Variants in METTL15 observed in about 807,000 individuals in gnomAD.
The protein encoded by METTL15 is 12S rRNA N(4)-cytidine methyltransferase METTL15.
Under a neutral mutation model 38.3 loss-of-function variants are expected in METTL15, and 34 were observed. The observed-to-expected ratio is 0.89, with a 90% CI of 0.68 to 1.18. The LOEUF (loss-of-function observed/expected upper bound fraction) is 1.18. METTL15 is among the 50% of genes most tolerant of loss of function. The probability of loss-of-function intolerance (pLI) is 0.00; values close to 1 mark genes in which losing one functional copy is unlikely to be tolerated. For missense variants in METTL15, 438 were observed against 498.4 expected, an observed-to-expected ratio of 0.88 and a Z score of 1.15; for synonymous variants, 162 against 170.9, an observed-to-expected ratio of 0.95 and a Z score of 0.41.
intron 5 of METTL15, among the ~76,000 whole-genome samples, chr11:28,411,102 C>T (rs1467608709): frequency 6.6e-6 from 1 of 151,736 alleles, no homozygotes; most frequent in East Asian, 1.9e-4. Flanking sequence ...AAATTGAACA[C>T]AAATAAATGG....
At chr11:28,111,845 G>A (rs1280017884) in intron 2 of METTL15, among the ~76,000 whole-genome samples, 5 of 152,192 alleles carry the variant, frequency 3.3e-5, no homozygotes, top group Non-Finnish European at 7.3e-5. Flanking sequence ...GAAACACTAA[G>A]TCAGAGGGTA....
chr11:28,190,392 T>G (rs543002040), intron 3 of METTL15, among the ~76,000 whole-genome samples: 15 of 151,392 alleles, frequency 9.9e-5, no homozygotes, highest in African/African-American at 3.6e-4. Context: ...TAAATTCCAA[T>G]TTACTTGTCA....
chr11:28,244,797 T>C (rs1182324406), intron 4 of METTL15, among the ~76,000 whole-genome samples: 1 of 152,194 alleles, frequency 6.6e-6, no homozygotes, highest in Non-Finnish European at 1.5e-5. Context: ...ATTTCTGGGC[T>C]GGGGGTACTA....
chr11:28,113,041 A>G lies in METTL15; in HGVS notation c.-17-277A>G, dbSNP rs537313592. 2.2e-4 allele frequency among the ~76,000 whole-genome samples: 33 copies of G among 152,306 alleles called. No individual in the cohort carries two copies. The South Asian group carries it at 6.8e-3, about 32-fold the overall frequency. The stretch of plus-strand genomic sequence containing the variant: ...TGTTGACCTAATAATCAATTTTCAT[A>G]TCCCTAATGGTTAAAATGTTAATGA... On this transcript the variant is annotated intron_variant, in intron 2 of 6. Transcript: ENST00000407364.
In METTL15 at chr11:28,331,006, A is replaced by G. The variant is rs1056469225; in HGVS notation, c.*165A>G. On this transcript the variant is annotated 3_prime_UTR_variant, in exon 7 of 7. Transcript: ENST00000407364. ...AAAAAGAAACTGTAGGAAATACATG[A>G]CAGAGAAAGTTACACTCAGGGAGCA... The G allele has an allele frequency of 7.5e-6, 4 of 532,236 alleles. No individual in the cohort carries two copies. Among genetic ancestry groups the G allele is most frequent in the Non-Finnish European group, 1.3e-5 (4 of 304,128 alleles). 33.0% of individuals were successfully genotyped at this position (532,236 alleles called of 1,614,324 possible). A position where few individuals can be genotyped will look rare whatever the true frequency, so the allele number is the denominator to read the frequency against.
intron 4 of METTL15, among the ~76,000 whole-genome samples, chr11:28,214,144 G>A (rs1455236363): frequency 6.6e-6 from 1 of 151,796 alleles, no homozygotes; most frequent in Non-Finnish European, 1.5e-5. Context: ...CTGGGCTCAA[G>A]TGACCCTTCT....
intron 5 of METTL15, among the ~76,000 whole-genome samples, chr11:28,402,741 AT>A (rs1850640933): frequency 6.6e-6 from 1 of 151,906 alleles, no homozygotes; most frequent in East Asian, 1.9e-4. Context: ...ACGTGAATAT[AT>A]TGCTTAGTGA....
At chr11:28,424,297 A>C (rs996540734) in intron 5 of METTL15, 4 of 152,126 alleles carry the variant, frequency 2.6e-5, no homozygotes, top group Non-Finnish European at 5.9e-5. Context: ...TTCTGTTTCT[A>C]GGCTGCACAT....
chr11:28,237,197 T>C (rs1854031803), intron 4 of METTL15, among the ~76,000 whole-genome samples: 1 of 152,194 alleles, frequency 6.6e-6, no homozygotes, highest in African/African-American at 2.4e-5. Context: ...TGCAGAGTGT[T>C]TTCCAACTTG....
chr11:28,382,374 G>A (rs1014094892), intron 5 of METTL15, among the ~76,000 whole-genome samples: 3 of 152,150 alleles, frequency 2.0e-5, no homozygotes, highest in East Asian at 1.9e-4. Context: ...CACTTGTGAT[G>A]TTTCCTGTAG....
chr11:28,225,623 C>T (rs1238669028), intron 4 of METTL15, among the ~76,000 whole-genome samples: 2 of 151,110 alleles, frequency 1.3e-5, no homozygotes, highest in East Asian at 3.9e-4. Context: ...GATGCTTATT[C>T]GATACAGTTC....
At chr11:28,194,869 G>A (rs1851853082) in intron 3 of METTL15, among the ~76,000 whole-genome samples, 2 of 151,276 alleles carry the variant, frequency 1.3e-5, no homozygotes, top group Admixed American at 6.6e-5. Context: ...TCCGTCTTCT[G>A]AGTTTCCAGT....
intron 5 of METTL15, among the ~76,000 whole-genome samples, chr11:28,416,385 C>T (rs1195368624): frequency 6.6e-6 from 1 of 152,200 alleles, no homozygotes; most frequent in African/African-American, 2.4e-5. Context: ...TGGAAGCAAG[C>T]TCAGGGCCAT....
chr11:28,441,697 G>T (rs1315426769), intron 6 of METTL15, among the ~76,000 whole-genome samples: 1 of 151,404 alleles, frequency 6.6e-6, no homozygotes, highest in African/African-American at 2.4e-5. Flanking sequence ...CATTCATTTT[G>T]CCCACCAAAT....
chr11:28,173,310 A>G (rs531330603), intron 3 of METTL15, among the ~76,000 whole-genome samples: 1 of 152,144 alleles, frequency 6.6e-6, no homozygotes, highest in East Asian at 1.9e-4. Context: ...CATGAAGGGG[A>G]AGAGTACCCT....
At position 28,211,088 on chromosome 11, in the gene METTL15, G is replaced by A. The variant is rs145788001; in HGVS notation, c.297G>A (p.Ser99=). ...GQIFLDMTFG[S]GGHTKAILQK... ...TTTTTCTAGATATGACATTTGGTTC[G>A]GGAGGGCACACAAAAGCCATTCTGC... The change falls in exon 4 of 7, where the codon TCG becomes TCA. Residue 99 remains serine, a synonymous_variant. Coordinates refer to ENST00000407364, the MANE Select transcript of METTL15 (RefSeq NM_001113528.2). 9.9e-6 allele frequency: 16 copies of A among 1,610,588 alleles called. No homozygotes were observed. The highest frequency in any genetic ancestry group is 4.0e-5 in the African/African-American group (3 of 74,826).
intron 6 of METTL15, among the ~76,000 whole-genome samples, chr11:28,450,059 A>G (rs1313458203): frequency 6.6e-6 from 1 of 152,254 alleles, no homozygotes; most frequent in African/African-American, 2.4e-5. Context: ...AATAAAAGAA[A>G]TGGAAATTTT....
At chr11:28,238,800 C>G (rs1213701572) in intron 4 of METTL15, among the ~76,000 whole-genome samples, 2 of 152,192 alleles carry the variant, frequency 1.3e-5, no homozygotes, top group African/African-American at 4.8e-5. Context: ...AACTGCCCCA[C>G]CCCACGGCTC....
intron 4 of METTL15, among the ~76,000 whole-genome samples, chr11:28,258,786 T>A (rs1198750519): frequency 6.6e-6 from 1 of 152,150 alleles, no homozygotes; most frequent in Non-Finnish European, 1.5e-5. Context: ...GACTCCCCTT[T>A]GGCCCAGAGC....
Sources: gnomAD v4.1 joint callset for allele counts (sites outside exome capture counted in the v4.1 genomes callset) on GRCh38, gnomAD v4.1.1 for gene constraint, MANE v1.5 for transcripts, NCBI Gene and HGNC (gene_info 2026-07-23, HGNC 2026-07-21) for gene names.